The following TNFRSF10D variants were observed in gnomAD, a reference collection of about 807,000 sequenced individuals.
The protein encoded by TNFRSF10D is TNF receptor superfamily member 10d, also known as tumor necrosis factor receptor superfamily member 10D.
TNFRSF10D carries 28 observed loss-of-function variants against 42.1 expected under a neutral mutation model. That is an observed-to-expected ratio of 0.66 (90% CI 0.49 to 0.91). TNFRSF10D has a LOEUF of 0.91. Among genes scored for constraint, TNFRSF10D ranks in the 40% least tolerant of loss-of-function variants. The probability of loss-of-function intolerance (pLI) is 0.00; values close to 1 mark genes in which losing one functional copy is unlikely to be tolerated. For synonymous variants in TNFRSF10D, 186 were observed against 189.4 expected (o/e 0.98, Z 0.15); for missense variants, 503 against 486.1 (o/e 1.03, Z -0.33).
chr8:23,141,198 T>C (rs1012857900), intron 7 of TNFRSF10D, among the ~76,000 whole-genome samples: 1 of 152,170 alleles, frequency 6.6e-6, no homozygotes, highest in Non-Finnish European at 1.5e-5. Context: ...AAAGACCTTC[T>C]GCACAGCAGA....
chr8:23,150,776 A>G (rs1800203315), intron 2 of TNFRSF10D, among the ~76,000 whole-genome samples: 1 of 152,266 alleles, frequency 6.6e-6, no homozygotes, highest in South Asian at 2.1e-4. Context: ...AAAATTCCAC[A>G]GAGAATGTCA....
chr8:23,159,806 T>C (rs568902799), intron 1 of TNFRSF10D, among the ~76,000 whole-genome samples: 69 of 152,246 alleles, frequency 4.5e-4, no homozygotes, highest in African/African-American at 1.6e-3. Flanking sequence ...GAGGTTGCAG[T>C]GAGCCGAGAT....
intron 1 of TNFRSF10D, among the ~76,000 whole-genome samples, chr8:23,158,400 G>A (rs757968785): frequency 7.2e-5 from 11 of 152,168 alleles, no homozygotes; most frequent in Non-Finnish European, 1.6e-4. Flanking sequence ...TACACTCTGC[G>A]TGGGGTATCT....
chr8:23,161,343 A>G (rs1409577497), intron 1 of TNFRSF10D, among the ~76,000 whole-genome samples: 1 of 152,126 alleles, frequency 6.6e-6, no homozygotes, highest in Non-Finnish European at 1.5e-5. Flanking sequence ...TTCGATTCCT[A>G]CTTTGATAAA....
chr8:23,145,682 T>C lies in TNFRSF10D; in HGVS notation c.722A>G (p.Lys241Arg). 6.2e-7 allele frequency: 1 copy of C among 1,614,058 alleles called. No individual in the cohort carries two copies. Among genetic ancestry groups the C allele is most frequent in the Non-Finnish European group, 8.5e-7 (1 of 1,180,010 alleles). The change falls in exon 5 of 9, where the codon AAA (lysine) becomes AGA (arginine). Residue 241 changes from lysine (K) to arginine (R), a missense_variant. Transcript: ENST00000312584. ...SCRKKFISYL[K>R]GICSGGGGGP... ...CCAGCACCTACCTGAGCAGATGCCT[T>C]TGAGGTAAGAAATGAATTTCTTCCG...
chr8:23,143,620 TA>T (rs1218669472), intron 7 of TNFRSF10D, among the ~76,000 whole-genome samples: 2 of 152,050 alleles, frequency 1.3e-5, no homozygotes, highest in African/African-American at 4.8e-5. Flanking sequence ...GAACCTTGTC[TA>T]GGTAAGTATT....
rs1585255741 is a variant in TNFRSF10D, at chr8:23,136,826, T to C, written c.*1044A>G. 2 of 151,986 alleles carry C rather than the reference T, an allele frequency of 1.3e-5. No individual in the cohort carries two copies. The highest frequency in any genetic ancestry group is 1.3e-4 in the Admixed American group (2 of 15,264). 9.4% of individuals were successfully genotyped at this position (151,986 alleles called of 1,614,324 possible). A position where few individuals can be genotyped will look rare whatever the true frequency, so the allele number is the denominator to read the frequency against. On this transcript the variant is annotated 3_prime_UTR_variant, in exon 9 of 9. Coordinates refer to ENST00000312584, the MANE Select transcript of TNFRSF10D (RefSeq NM_003840.5). Reference sequence around the variant, plus strand: ...ATTTATTTATAAATAAATATGGCTATATACCTCTAAAATTAACAAGTAAGA... The same window carrying C: ...ATTTATTTATAAATAAATATGGCTACATACCTCTAAAATTAACAAGTAAGA...
Position 23,145,688 on chromosome 8 carries a change from T to A in TNFRSF10D, c.716A>T (p.Tyr239Phe). ...GFSCRKKFIS[Y>F]LKGICSGGGG... ...CCTACCTGAGCAGATGCCTTTGAGG[T>A]AAGAAATGAATTTCTTCCGACATGA... Residue 239 changes from tyrosine to phenylalanine, a missense_variant, in exon 5 of 9, where the codon TAC becomes TTC. Coordinates refer to ENST00000312584, the MANE Select transcript of TNFRSF10D (RefSeq NM_003840.5). 1 of 1,614,054 alleles carries A rather than the reference T, an allele frequency of 6.2e-7. No individual in the cohort carries two copies. Among genetic ancestry groups the A allele is most frequent in the Non-Finnish European group, 8.5e-7 (1 of 1,180,012 alleles).
At position 23,137,760 on chromosome 8, in the gene TNFRSF10D, G is replaced by C; in HGVS notation, c.*110C>G. 4.9e-6 allele frequency: 7 copies of C among 1,414,858 alleles called. No individual in the cohort carries two copies. The highest frequency in any genetic ancestry group is 6.7e-6 in the Non-Finnish European group (7 of 1,046,784). The allele number at this position is 1,414,858 out of a possible 1,614,324, so 87.6% of individuals were successfully genotyped here. A position where few individuals can be genotyped will look rare whatever the true frequency, so the allele number is the denominator to read the frequency against. ...TTGGTAAGCTGCCCCATATTGGATAGTAGAGTTTGTTGGGGCATGGGTCAA... is the reference window on the plus strand; with the variant it reads ...TTGGTAAGCTGCCCCATATTGGATACTAGAGTTTGTTGGGGCATGGGTCAA... On this transcript the variant is annotated 3_prime_UTR_variant, in exon 9 of 9. Coordinates refer to ENST00000312584, the MANE Select transcript of TNFRSF10D (RefSeq NM_003840.5).
At position 23,153,611 on chromosome 8, in the gene TNFRSF10D, A is replaced by G. The variant is rs1046965711; in HGVS notation, c.256+1263T>C. 7.2e-5 allele frequency among the ~76,000 whole-genome samples: 11 copies of G among 152,338 alleles called. No individual in the cohort carries two copies. The East Asian group carries it at 2.1e-3, about 29-fold the overall frequency. On this transcript the variant is annotated intron_variant, in intron 2 of 8. Transcript: ENST00000312584. ...GAAGACATAGAAGTGGCCGACAGGT[A>G]TATGAAAAAAATGCTCAACATCACT...
At chr8:23,145,562 A>T in intron 5 of TNFRSF10D, 106 bp downstream of exon 5, 1 of 1,538,016 alleles carries the variant, frequency 6.5e-7, no homozygotes, top group Non-Finnish European at 8.8e-7. Flanking sequence ...GCCAGGCTGG[A>T]GACGCTTGGA....
At position 23,137,717 on chromosome 8, in the gene TNFRSF10D, A is replaced by G. The variant is rs146113503; in HGVS notation, c.*153T>C. 2.1e-3 allele frequency: 2,062 copies of G among 987,856 alleles called. No homozygotes were observed. Among genetic ancestry groups the G allele is most frequent in the African/African-American group, 0.02 (1,256 of 61,962 alleles). The allele number at this position is 987,856 out of a possible 1,614,324, so 61.2% of individuals were successfully genotyped here. On this transcript the variant is annotated 3_prime_UTR_variant, in exon 9 of 9. Transcript: ENST00000312584. ...TCATAAAAATTACTCCAAGTGCGTT[A>G]ACAAAGTTCTAGGACCATTGGTAAG...
rs535829550 is a variant in TNFRSF10D at position 23,146,109 on chromosome 8, A to G, written c.483-188T>C. On this transcript the variant is annotated intron_variant, in intron 4 of 8. Transcript: ENST00000312584. ...GGAAGGGTCTGAGCATGCACACTTC[A>G]GCCCCTCGGCCTCCCTGCTCTGGGG... is the stretch of plus-strand genomic sequence containing the variant. Among the ~76,000 whole-genome samples, 62 of 152,332 alleles carry G rather than the reference A, an allele frequency of 4.1e-4. 1 individual carries two copies. In the South Asian group the frequency reaches 0.012, roughly 29 times the overall value.
Position 23,147,552 on chromosome 8 carries a change from C to A in TNFRSF10D, c.371-480G>T, listed in dbSNP as rs566086038. Among the ~76,000 whole-genome samples, 31 of 152,302 alleles carry A rather than the reference C, an allele frequency of 2.0e-4. No homozygotes were observed. The South Asian group carries it at 2.5e-3, about 12-fold the overall frequency. ...ACCCAGCCCTGTCCACTGGGCCAGGCCTCCTCTATGCTGTAATGATGCCCC... is the reference window on the plus strand; with the variant it reads ...ACCCAGCCCTGTCCACTGGGCCAGGACTCCTCTATGCTGTAATGATGCCCC... On this transcript the variant is annotated intron_variant, in intron 3 of 8. Coordinates refer to ENST00000312584, the MANE Select transcript of TNFRSF10D (RefSeq NM_003840.5).
intron 8 of TNFRSF10D, 33 bp from the exon 9 acceptor site, chr8:23,138,036 G>T: frequency 6.2e-7 from 1 of 1,612,692 alleles, no homozygotes; most frequent in Non-Finnish European, 8.5e-7. Flanking sequence ...GGGTCTCAAT[G>T]CTCCAAGGAC....
intron 1 of TNFRSF10D, among the ~76,000 whole-genome samples, chr8:23,157,297 T>A (rs1432419652): frequency 3.3e-5 from 5 of 152,218 alleles, no homozygotes; most frequent in Non-Finnish European, 5.9e-5. Context: ...TTATTATTAT[T>A]TATTTTGAAA....
intron 2 of TNFRSF10D, among the ~76,000 whole-genome samples, chr8:23,148,990 A>C (rs140444453): frequency 1.1e-4 from 17 of 151,454 alleles, no homozygotes; most frequent in African/African-American, 2.4e-4. Context: ...GGAGATCGAG[A>C]CCATCCTGGC....
rs563016426 is a variant in TNFRSF10D at position 23,145,775 on chromosome 8, T to C, written c.629A>G (p.Tyr210Cys). ...AACCACTATGATGATAAGGTAGTGA[T>C]AGGGAGAGGCAAGCATCCCCAGGAT... ...TTILGMLASP[Y>C]HYLIIIVVLV... Residue 210 changes from tyrosine to cysteine, a missense_variant, in exon 5 of 9, where the codon TAT (tyrosine) becomes TGT (cysteine). Coordinates refer to ENST00000312584, the MANE Select transcript of TNFRSF10D (RefSeq NM_003840.5). The C allele has an allele frequency of 1.1e-5, 18 of 1,613,982 alleles. No individual in the cohort carries two copies. Among genetic ancestry groups the C allele is most frequent in the Non-Finnish European group, 1.4e-5 (17 of 1,179,988 alleles).
At chr8:23,149,808 C>A (rs1800192167) in intron 2 of TNFRSF10D, among the ~76,000 whole-genome samples, 1 of 152,126 alleles carries the variant, frequency 6.6e-6, no homozygotes, top group African/African-American at 2.4e-5. Flanking sequence ...CCGAGAGGCC[C>A]CACCAACCTC....
Sources: allele counts gnomAD v4.1 joint callset (sites outside exome capture counted in the v4.1 genomes callset), GRCh38; gene constraint gnomAD v4.1.1; transcripts MANE v1.5; gene names NCBI Gene and HGNC (gene_info 2026-07-23, HGNC 2026-07-21).